MIER2: variants seen among roughly 807,000 people sequenced by gnomAD.
The protein encoded by MIER2 is mesoderm induction early response protein 2.
A neutral mutation model predicts 67.6 loss-of-function variants in MIER2; 30 were observed. The ratio of observed to expected loss-of-function variants is 0.44; its 90% confidence interval spans 0.33 to 0.60. The LOEUF is 0.60. Ranked by LOEUF, MIER2 falls within the 20% of genes least tolerant of loss-of-function variation. The pLI is 0.02. For synonymous variants in MIER2, 372 were observed against 312.6 expected, an observed-to-expected ratio of 1.19 and a Z score of -2.00; for missense variants, 702 against 745.1, an observed-to-expected ratio of 0.94 and a Z score of 0.67.
At chr19:313,461 G>T in intron 8 of MIER2, 31 bp downstream of exon 8, 2 of 1,602,224 alleles carry the variant, frequency 1.2e-6, no homozygotes, top group Admixed American at 3.3e-5. Flanking sequence ...GCAGCCCTCA[G>T]CCCCTCTGTC....
At chr19:337,568 A>G (rs957965449) in intron 1 of MIER2, among the ~76,000 whole-genome samples, 8 of 152,266 alleles carry the variant, frequency 5.3e-5, no homozygotes, top group African/African-American at 1.9e-4. Context: ...AATAAAAAGA[A>G]TCAAGATCGG....
Position 307,184 on chromosome 19 carries a change from C to G in MIER2, c.1551G>C (p.Val517=). Reference sequence around the variant, plus strand: ...TGGGGTGGGCGGCCAGGAAGGGGTTCACGTCCCCAATGCCGATGAGTCCAA... The same window carrying G: ...TGGGGTGGGCGGCCAGGAAGGGGTTGACGTCCCCAATGCCGATGAGTCCAA... ...TEFGLIGIGD[V]NPFLAAHPTC... The change falls in exon 13 of 14, where the codon GTG becomes GTC. Residue 517 remains valine (V), a synonymous_variant. Transcript: ENST00000264819. The G allele has an allele frequency of 6.3e-7, 1 of 1,589,116 alleles. No homozygotes were observed. Among genetic ancestry groups the G allele is most frequent in the Non-Finnish European group, 8.6e-7 (1 of 1,167,892 alleles).
intron 3 of MIER2, among the ~76,000 whole-genome samples, chr19:328,343 G>A (rs1034644883): frequency 6.6e-6 from 1 of 150,560 alleles, no homozygotes; most frequent in South Asian, 2.1e-4. Context: ...ATTTACTATT[G>A]TAACTCAACA....
chr19:309,851 G>C (rs1216873292), intron 10 of MIER2, among the ~76,000 whole-genome samples: 1 of 68,618 alleles, frequency 1.5e-5, no homozygotes, highest in African/African-American at 5.1e-5. Flanking sequence ...CGCACACAAG[G>C]CTTCAGGGAG....
chr19:344,033 G>A, intron 1 of MIER2: 2 of 985,442 alleles, frequency 2.0e-6, no homozygotes, highest in Non-Finnish European at 2.4e-6. Flanking sequence ...GAAAAATTCT[G>A]GATTCCAAAA....
At chr19:323,241 G>A (rs150139098) in intron 7 of MIER2, among the ~76,000 whole-genome samples, 4 of 118,104 alleles carry the variant, frequency 3.4e-5, no homozygotes, top group Admixed American at 8.2e-5. Context: ...TGATACAGTC[G>A]TCATCATAAT....
At chr19:339,865 G>A (rs1156751880) in intron 1 of MIER2, among the ~76,000 whole-genome samples, 2 of 152,138 alleles carry the variant, frequency 1.3e-5, no homozygotes, top group African/African-American at 4.8e-5. Context: ...TTCCTTTTGG[G>A]GTGATGAAAA....
At position 327,260 on chromosome 19, in the gene MIER2, TAAAAAA is replaced by T; in HGVS notation, c.370-10_370-5del. Reference sequence around the variant, plus strand: ...GCAAATCCTTCGCTATTTGTTCCTTTAAAAAAAAAAAAAAAAGTAAAGAACATTTTA... The same window carrying T: ...GCAAATCCTTCGCTATTTGTTCCTTTAAAAAAAAAAGTAAAGAACATTTTA... On this transcript the variant is annotated splice_region_variant and splice_polypyrimidine_tract_variant and intron_variant, in intron 4 of 13. Transcript: ENST00000264819. 6.8e-7 allele frequency: 1 copy of T among 1,461,694 alleles called. No homozygotes were observed. Among genetic ancestry groups the T allele is most frequent in the Non-Finnish European group, 9.2e-7 (1 of 1,091,740 alleles). 90.5% of individuals were successfully genotyped at this position (1,461,694 alleles called of 1,614,324 possible). A position where few individuals can be genotyped will look rare whatever the true frequency, so the allele number is the denominator to read the frequency against.
intron 2 of MIER2, among the ~76,000 whole-genome samples, chr19:334,940 G>A (rs1018367770): frequency 7.9e-5 from 12 of 152,264 alleles, no homozygotes; most frequent in East Asian, 3.9e-4. Context: ...CGGGGGTGAC[G>A]CTGAACCCTC....
At chr19:327,822 A>G in intron 4 of MIER2, 42 bp downstream of exon 4, 1 of 1,607,334 alleles carries the variant, frequency 6.2e-7, no homozygotes, top group Non-Finnish European at 8.5e-7. Flanking sequence ...AGGCCCCCCC[A>G]CCTTCAGCTG....
chr19:335,302 TG>T (rs1203402501), intron 2 of MIER2, among the ~76,000 whole-genome samples: 2 of 152,244 alleles, frequency 1.3e-5, no homozygotes, highest in East Asian at 1.9e-4. Context: ...CCTGTAGGGC[TG>T]GGCACACAGG....
At chr19:344,450 C>G in intron 1 of MIER2, 13 of 902,862 alleles carry the variant, frequency 1.4e-5, no homozygotes, top group Non-Finnish European at 1.7e-5. Flanking sequence ...CGGAGCCGCG[C>G]GCCCACCGGA....
chr19:335,952 G>C (rs1972232705), intron 2 of MIER2, 131 bp downstream of exon 2: 1 of 829,516 alleles, frequency 1.2e-6, no homozygotes, highest in Non-Finnish European at 2.0e-6. Context: ...GAACGGGTGG[G>C]AGCTGGGACA....
intron 10 of MIER2, 26 bp downstream of exon 10, chr19:311,819 G>GT (rs1406703192): frequency 6.2e-7 from 1 of 1,612,476 alleles, no homozygotes; most frequent in South Asian, 1.1e-5. Context: ...GAAGCCCCCG[G>GT]TGGAGCCTGG....
chr19:343,550 G>T (rs62103738), intron 1 of MIER2, among the ~76,000 whole-genome samples: 2 of 152,300 alleles, frequency 1.3e-5, no homozygotes, highest in Admixed American at 6.5e-5. Context: ...TCGTCACCAG[G>T]GGGAGAGAAT....
At chr19:321,346 T>C (rs1277994951) in intron 7 of MIER2, among the ~76,000 whole-genome samples, 1 of 152,138 alleles carries the variant, frequency 6.6e-6, no homozygotes, top group African/African-American at 2.4e-5. Context: ...AACTTAACGT[T>C]TGAAAATCAA....
intron 7 of MIER2, among the ~76,000 whole-genome samples, chr19:318,733 T>C (rs1309710394): frequency 6.6e-6 from 1 of 152,158 alleles, no homozygotes; most frequent in Admixed American, 6.5e-5. Flanking sequence ...CGGAGTATGT[T>C]TTCTGACCAC....
chr19:308,925 C>A lies in MIER2; in HGVS notation c.985G>T (p.Val329Leu). 6.2e-7 allele frequency: 1 copy of A among 1,600,388 alleles called. No homozygotes were observed. Among genetic ancestry groups the A allele is most frequent in the Non-Finnish European group, 8.5e-7 (1 of 1,169,640 alleles). Residue 329 changes from valine to leucine, a missense_variant and splice_region_variant, in exon 11 of 14, where the codon GTG becomes TTG. Around this residue, in one of 3 missense-constraint regions of MIER2, gnomAD observed 128 missense variants for 189.7 expected, o/e 0.67. Transcript: ENST00000264819. The surrounding 1 kb of genome is among the most constrained non-coding windows in gnomAD (Gnocchi z 9.1). ...CACTCGCCCACTGACCGTGTGCGCA[C>A]CTGCGGGGAGGGGTCAGGAGCCATC... Reference protein sequence around the residue: ...KNFHLIQANKVRTRSVGECVE... With the variant: ...KNFHLIQANKLRTRSVGECVE...
At chr19:336,845 ATC>A (rs759217720) in intron 1 of MIER2, among the ~76,000 whole-genome samples, 3 of 152,078 alleles carry the variant, frequency 2.0e-5, no homozygotes, top group Non-Finnish European at 4.4e-5. Flanking sequence ...AATGTTCAAT[ATC>A]TCTCTTTTTT....
Sources: gnomAD v4.1 joint callset for allele counts (sites outside exome capture counted in the v4.1 genomes callset) on GRCh38, gnomAD v4.1.1 for gene constraint, gnomAD v4.1.1 regional missense constraint, Gnocchi (gnomAD v3.1) non-coding constraint, MANE v1.5 for transcripts, NCBI Gene and HGNC (gene_info 2026-07-23, HGNC 2026-07-21) for gene names.